Variants in UBAC2 observed in about 807,000 individuals in gnomAD.
UBAC2 encodes ubiquitin-associated domain-containing protein 2.
In UBAC2, 26 loss-of-function variants were observed where a neutral mutation model predicts 44.0. The ratio of observed to expected loss-of-function variants is 0.59; its 90% CI spans 0.43 to 0.82. The LOEUF is 0.82. Ranked by LOEUF, UBAC2 falls within the 40% of genes least tolerant of loss-of-function variation. The pLI is 0.00. For synonymous variants in UBAC2, 155 were observed against 154.3 expected, an observed-to-expected ratio of 1.00 and a Z score of -0.04; for missense variants, 329 against 419.4, an observed-to-expected ratio of 0.78 and a Z score of 1.88.
chr13:99,260,131 G>A (rs1267252419), intron 4 of UBAC2, among the ~76,000 whole-genome samples: 1 of 152,152 alleles, frequency 6.6e-6, no homozygotes, highest in Non-Finnish European at 1.5e-5. Context: ...CTTTGTTCTT[G>A]TAGCTACCTT....
chr13:99,338,960 G>A (rs1471290281), intron 6 of UBAC2, among the ~76,000 whole-genome samples: 1 of 152,012 alleles, frequency 6.6e-6, no homozygotes, highest in East Asian at 1.9e-4. Context: ...TAGAATATTT[G>A]TGCACTCCTG....
chr13:99,242,908 CG>C (rs1203915639), intron 2 of UBAC2, among the ~76,000 whole-genome samples: 3 of 146,590 alleles, frequency 2.0e-5, no homozygotes, highest in African/African-American at 7.7e-5. Flanking sequence ...ACATCTCAGA[CG>C]ATGGGCGGCC....
intron 7 of UBAC2, among the ~76,000 whole-genome samples, chr13:99,366,686 A>G (rs2138893037): frequency 6.6e-6 from 1 of 152,102 alleles, no homozygotes; most frequent in East Asian, 1.9e-4. Flanking sequence ...ATCTTTAGAC[A>G]GATAATTGAG....
intron 7 of UBAC2, among the ~76,000 whole-genome samples, chr13:99,363,925 A>G (rs1017220092): frequency 7.2e-5 from 11 of 152,082 alleles, no homozygotes; most frequent in Admixed American, 3.9e-4. Context: ...TTTATTCTTA[A>G]CTACCTTATA....
Position 99,256,094 on chromosome 13 carries a change from T to C in UBAC2, c.389+11470T>C, listed in dbSNP as rs55974901. On this transcript the variant is annotated intron_variant, in intron 4 of 8. Transcript: ENST00000403766. ...TTTGAGAGAGAATGGGAACTTTTCC[T>C]TTGTTACAGCTATAGCCCCACTGTC... Among the ~76,000 whole-genome samples the C allele has an allele frequency of 5.7e-3, 871 of 152,322 alleles. 4 individuals are homozygous for C. The highest frequency in any genetic ancestry group is 9.1e-3 in the Non-Finnish European group (616 of 68,022).
chr13:99,349,894 A>C (rs1211316029), intron 7 of UBAC2, among the ~76,000 whole-genome samples: 1 of 152,030 alleles, frequency 6.6e-6, no homozygotes, highest in Non-Finnish European at 1.5e-5. Context: ...GGTGGAGCAG[A>C]GTGTTCCCTG....
intron 8 of UBAC2, among the ~76,000 whole-genome samples, chr13:99,382,956 G>A (rs181419188): frequency 2.5e-4 from 38 of 152,298 alleles, no homozygotes; most frequent in Middle Eastern, 3.4e-3. Flanking sequence ...TGTCACACCC[G>A]CAAAGTGCTT....
At chr13:99,268,223 C>T (rs553300091) in intron 4 of UBAC2, among the ~76,000 whole-genome samples, 22 of 152,206 alleles carry the variant, frequency 1.4e-4, no homozygotes, top group South Asian at 4.1e-4. Context: ...AGTGGGTTTT[C>T]GGGGAGCTGC....
chr13:99,247,218 T>C (rs374039428), intron 4 of UBAC2, among the ~76,000 whole-genome samples: 34 of 150,928 alleles, frequency 2.3e-4, no homozygotes, highest in Admixed American at 3.3e-4. Context: ...TGTTTTGTTT[T>C]GTTTTGTTTT....
At chr13:99,241,971 T>C (rs1197201079) in intron 2 of UBAC2, among the ~76,000 whole-genome samples, 3 of 149,418 alleles carry the variant, frequency 2.0e-5, no homozygotes, top group South Asian at 2.2e-4. Context: ...AGCATCTGTT[T>C]AACAAAGCAC....
chr13:99,252,671 A>G (rs2043472794), intron 4 of UBAC2, among the ~76,000 whole-genome samples: 1 of 152,258 alleles, frequency 6.6e-6, no homozygotes, highest in Admixed American at 6.5e-5. Context: ...TGTGGATGTT[A>G]CATCGTTTTC....
At chr13:99,214,625 C>T (rs955469580) in intron 1 of UBAC2, among the ~76,000 whole-genome samples, 14 of 152,210 alleles carry the variant, frequency 9.2e-5, no homozygotes, top group Middle Eastern at 3.4e-3. Context: ...GTCCGTTCCC[C>T]GTCACCTGTG....
chr13:99,338,047 C>CTTTTCTTTTTTTTTTT (rs2044820894), intron 6 of UBAC2, among the ~76,000 whole-genome samples: 1 of 48,852 alleles, frequency 2.0e-5, no homozygotes, highest in African/African-American at 7.1e-5. Flanking sequence ...TTCTTTTTTT[C>CTTTTCTTTTTTTTTTT]TTTTTTTTTT....
intron 4 of UBAC2, among the ~76,000 whole-genome samples, chr13:99,298,914 AT>A (rs960223824): frequency 5.9e-5 from 9 of 152,160 alleles, no homozygotes; most frequent in Middle Eastern, 6.8e-3. Context: ...TTGAAAATGT[AT>A]TTTTTTCTAA....
intron 1 of UBAC2, among the ~76,000 whole-genome samples, chr13:99,237,330 A>G (rs2043248940): frequency 6.6e-6 from 1 of 152,088 alleles, no homozygotes; most frequent in East Asian, 1.9e-4. Context: ...AAAAGAATGA[A>G]ATCCTGTCAT....
intron 4 of UBAC2, among the ~76,000 whole-genome samples, chr13:99,291,855 A>G (rs976192573): frequency 8.5e-5 from 13 of 152,232 alleles, no homozygotes; most frequent in Non-Finnish European, 1.6e-4. Context: ...AATACAAAAC[A>G]TACGTTATCA....
At chr13:99,379,736 C>T (rs1276336321) in intron 8 of UBAC2, among the ~76,000 whole-genome samples, 1 of 152,222 alleles carries the variant, frequency 6.6e-6, no homozygotes, top group Non-Finnish European at 1.5e-5. Context: ...GGTGGTCACT[C>T]CAACACCATA....
chr13:99,285,540 G>C (rs948952734), intron 4 of UBAC2, among the ~76,000 whole-genome samples: 17 of 152,112 alleles, frequency 1.1e-4, no homozygotes, highest in African/African-American at 3.9e-4. Flanking sequence ...CTACAGGCAT[G>C]TGCCACCACG....
chr13:99,213,480 C>G (rs1206175696), intron 1 of UBAC2, among the ~76,000 whole-genome samples: 1 of 152,010 alleles, frequency 6.6e-6, no homozygotes, highest in African/African-American at 2.4e-5. Flanking sequence ...CCTGCCTCAG[C>G]CTCCCGAGTA....
Sources: allele counts gnomAD v4.1 joint callset (sites outside exome capture counted in the v4.1 genomes callset), GRCh38; gene constraint gnomAD v4.1.1; transcripts MANE v1.5; gene names NCBI Gene and HGNC (gene_info 2026-07-23, HGNC 2026-07-21).